The following FGF12 variants were observed in gnomAD, a reference collection of about 807,000 sequenced individuals.
The protein encoded by FGF12 is fibroblast growth factor 12B.
Under a neutral mutation model 23.6 loss-of-function variants are expected in FGF12, and 14 were observed. The observed-to-expected ratio is 0.59, with a 90% CI of 0.39 to 0.93. The LOEUF (loss-of-function observed/expected upper bound fraction) is 0.93, where lower values mean the gene tolerates loss of function less well. Ranked by LOEUF, FGF12 falls within the 40% of genes least tolerant of loss-of-function variation. The probability of loss-of-function intolerance (pLI) is 0.00; values close to 1 mark genes in which losing one functional copy is unlikely to be tolerated. For missense variants in FGF12, 175 were observed against 217.8 expected (o/e 0.80, Z 1.24); for synonymous variants, 62 against 77.3 (o/e 0.80, Z 1.04).
chr3:192,492,940 C>T (rs1210007217), intron 2 of FGF12, among the ~76,000 whole-genome samples: 1 of 150,304 alleles, frequency 6.7e-6, no homozygotes, highest in Non-Finnish European at 1.5e-5. Context: ...GCTATCATGC[C>T]TGGTTAATTT....
At chr3:192,417,846 C>T (rs937142782) in intron 2 of FGF12, among the ~76,000 whole-genome samples, 7 of 152,014 alleles carry the variant, frequency 4.6e-5, no homozygotes, top group Non-Finnish European at 1.0e-4. Flanking sequence ...AGGGAAACAT[C>T]ATAGTTTCAG....
chr3:192,723,951 G>A (rs1478722046), intron 2 of FGF12, among the ~76,000 whole-genome samples: 1 of 125,786 alleles, frequency 8.0e-6, no homozygotes, highest in Admixed American at 7.9e-5. Context: ...AAGGAGGGGA[G>A]GGGAGGAGAG....
rs892462326 is a variant in FGF12 at position 192,627,621 on chromosome 3, T to G, written c.13+99560A>C. ...TCCTTTTGAGGCACAAGAAAAATAC[T>G]AACAGTTTTCTAACTTGCTTATTAG... is the stretch of plus-strand genomic sequence containing the variant. On this transcript the variant is annotated intron_variant, in intron 2 of 5. Coordinates refer to ENST00000445105, the MANE Select transcript of FGF12 (RefSeq NM_004113.6). Among the ~76,000 whole-genome samples, 4 of 152,312 alleles carry G rather than the reference T, an allele frequency of 2.6e-5. No individual in the cohort carries two copies. In the East Asian group the frequency reaches 7.7e-4, roughly 29 times the overall value.
intron 2 of FGF12, among the ~76,000 whole-genome samples, chr3:192,442,345 G>T (rs941596614): frequency 3.3e-5 from 5 of 152,216 alleles, no homozygotes; most frequent in African/African-American, 1.2e-4. Flanking sequence ...ATAGCACTGG[G>T]CTTGGCACAG....
At chr3:192,559,773 A>G (rs1189940080) in intron 2 of FGF12, among the ~76,000 whole-genome samples, 1 of 151,880 alleles carries the variant, frequency 6.6e-6, no homozygotes, top group Non-Finnish European at 1.5e-5. Flanking sequence ...ATATAGAGAC[A>G]CTCTCTGTAC....
chr3:192,622,777 C>T (rs1356186372), intron 2 of FGF12, among the ~76,000 whole-genome samples: 4 of 152,140 alleles, frequency 2.6e-5, no homozygotes, highest in Non-Finnish European at 4.4e-5. Context: ...GACCCAAATG[C>T]ACACACACTT....
chr3:192,190,829 A>G (rs1486856779), intron 4 of FGF12, among the ~76,000 whole-genome samples: 1 of 152,202 alleles, frequency 6.6e-6, no homozygotes, highest in East Asian at 1.9e-4. Flanking sequence ...ACATCTCCCC[A>G]TGAAAAGAAT....
At chr3:192,662,399 C>T (rs887062583) in intron 2 of FGF12, among the ~76,000 whole-genome samples, 1 of 152,128 alleles carries the variant, frequency 6.6e-6, no homozygotes, top group African/African-American at 2.4e-5. Flanking sequence ...AAATAGCCTC[C>T]AATAACTTCA....
chr3:192,521,152 T>C (rs1724802939), intron 2 of FGF12: 1 of 152,242 alleles, frequency 6.6e-6, no homozygotes, highest in African/African-American at 2.4e-5. Context: ...GCCCACAGCC[T>C]TACCAACATA....
At chr3:192,191,345 C>G (rs567175685) in intron 4 of FGF12, among the ~76,000 whole-genome samples, 1 of 152,202 alleles carries the variant, frequency 6.6e-6, no homozygotes, top group African/African-American at 2.4e-5. Context: ...TGTAAAAAAC[C>G]AAGAGTGAAC....
intron 2 of FGF12, among the ~76,000 whole-genome samples, chr3:192,394,937 C>T (rs1560097991): frequency 2.6e-5 from 4 of 152,190 alleles, no homozygotes; most frequent in Admixed American, 1.3e-4. Context: ...CTTAGCGCTT[C>T]ACCAGAGAAA....
intron 2 of FGF12, among the ~76,000 whole-genome samples, chr3:192,400,415 C>A (rs1358907801): frequency 3.6e-5 from 5 of 140,518 alleles, no homozygotes; most frequent in Middle Eastern, 9.5e-3. Context: ...GTGGCCCGGG[C>A]TGGAGTGCAA....
chr3:192,670,941 C>G (rs922201083), intron 2 of FGF12, among the ~76,000 whole-genome samples: 5 of 152,150 alleles, frequency 3.3e-5, no homozygotes, highest in African/African-American at 1.2e-4. Flanking sequence ...GGAGAGCGAT[C>G]TGGGCTGAGC....
chr3:192,243,359 T>C (rs998111701), intron 4 of FGF12, among the ~76,000 whole-genome samples: 1 of 151,942 alleles, frequency 6.6e-6, no homozygotes, highest in African/African-American at 2.4e-5. Flanking sequence ...GCTACAATAA[T>C]TAAATCAGTG....
At chr3:192,704,604 T>C (rs539665814) in intron 2 of FGF12, among the ~76,000 whole-genome samples, 4 of 152,328 alleles carry the variant, frequency 2.6e-5, no homozygotes, top group East Asian at 3.9e-4. Context: ...GAATGGTGCA[T>C]GAGCATTGGC....
At chr3:192,210,311 G>C (rs1446849655) in intron 4 of FGF12, among the ~76,000 whole-genome samples, 1 of 152,136 alleles carries the variant, frequency 6.6e-6, no homozygotes, top group Non-Finnish European at 1.5e-5. Context: ...AAAGAAGTCA[G>C]TAATTTAGAC....
chr3:192,155,172 TCGCGCACGGTG>T (rs1426998526), intron 5 of FGF12, among the ~76,000 whole-genome samples: 2 of 151,970 alleles, frequency 1.3e-5, no homozygotes, highest in Admixed American at 6.6e-5. Context: ...CTGCTTCGGC[TCGCGCACGGTG>T]CGCGCACCCA....
At chr3:192,359,577 G>T (rs1269327076) in intron 3 of FGF12, among the ~76,000 whole-genome samples, 1 of 152,038 alleles carries the variant, frequency 6.6e-6, no homozygotes, top group Non-Finnish European at 1.5e-5. Context: ...TTGCCCTCAG[G>T]TATCTGTATA....
intron 2 of FGF12, among the ~76,000 whole-genome samples, chr3:192,544,836 C>T (rs1325345093): frequency 3.3e-5 from 5 of 152,266 alleles, no homozygotes; most frequent in East Asian, 1.9e-4. Flanking sequence ...AATCAGGGTA[C>T]AGTCGTGAGT....
Sources: allele counts gnomAD v4.1 joint callset (sites outside exome capture counted in the v4.1 genomes callset), GRCh38; gene constraint gnomAD v4.1.1; transcripts MANE v1.5; gene names NCBI Gene and HGNC (gene_info 2026-07-23, HGNC 2026-07-21).